Variants in TMIE observed in about 807,000 individuals in gnomAD.
The protein encoded by TMIE is transmembrane inner ear.
Under a neutral mutation model 16.8 loss-of-function variants are expected in TMIE, and 14 were observed. That is an observed-to-expected ratio of 0.83 (90% CI 0.55 to 1.30). The LOEUF (loss-of-function observed/expected upper bound fraction) is 1.30. TMIE is among the 50% of genes most tolerant of loss of function. The pLI is 0.00. For missense variants in TMIE, 204 were observed against 205.9 expected (o/e 0.99, Z 0.06); for synonymous variants, 75 against 87.2 (o/e 0.86, Z 0.78).
intron 2 of TMIE, among the ~76,000 whole-genome samples, chr3:46,706,981 G>T (rs188116138): frequency 2.0e-5 from 3 of 152,210 alleles, no homozygotes; most frequent in African/African-American, 7.2e-5. Context: ...TGATTTGCAC[G>T]TGCTTCTCCT....
chr3:46,707,891 G>A (rs908643465), intron 2 of TMIE, among the ~76,000 whole-genome samples: 1 of 152,210 alleles, frequency 6.6e-6, no homozygotes, highest in African/African-American at 2.4e-5. Flanking sequence ...GGAGGGTTAG[G>A]ATTGGGTACC....
At chr3:46,709,021 T>G in intron 2 of TMIE, 105 bp from the exon 3 acceptor site, 43 of 1,451,396 alleles carry the variant, frequency 3.0e-5, no homozygotes, top group Non-Finnish European at 3.8e-5. Flanking sequence ...GTCTGGTGGG[T>G]GAGACACATG....
At chr3:46,708,708 A>C (rs952999821) in intron 2 of TMIE, among the ~76,000 whole-genome samples, 2 of 152,214 alleles carry the variant, frequency 1.3e-5, no homozygotes, top group African/African-American at 4.8e-5. Context: ...ACTTTGGCCT[A>C]GCTCTCAGTG....
chr3:46,700,574 A>G (rs569534876), upstream of TMIE, among the ~76,000 whole-genome samples: 3 of 152,244 alleles, frequency 2.0e-5, no homozygotes, highest in African/African-American at 7.2e-5. Context: ...AGGGGAGTCT[A>G]CCAACTCCAG....
upstream of TMIE, chr3:46,701,301 G>A (rs1700470542): frequency 4.3e-6 from 2 of 465,166 alleles, no homozygotes; most frequent in Non-Finnish European, 7.5e-6. The surrounding 1 kb of genome is among the most constrained non-coding windows in gnomAD (Gnocchi z 4.3). Flanking sequence ...GAAGGAGGGG[G>A]CGGGCCCTCC....
chr3:46,696,572 C>T (rs1406413907), upstream of TMIE, among the ~76,000 whole-genome samples: 1 of 152,114 alleles, frequency 6.6e-6, no homozygotes, highest in Non-Finnish European at 1.5e-5. Context: ...TAGGCTGAGT[C>T]CCTGGATCCT....
intron 2 of TMIE, among the ~76,000 whole-genome samples, chr3:46,707,705 G>A (rs1298851600): frequency 6.6e-6 from 1 of 152,226 alleles, no homozygotes; most frequent in Non-Finnish European, 1.5e-5. Flanking sequence ...GCTGTGCGGG[G>A]CAGGCCTGAA....
chr3:46,699,058 TTA>T (rs1455836035), upstream of TMIE, among the ~76,000 whole-genome samples: 3,252 of 107,508 alleles, frequency 0.03, 357 homozygotes, highest in African/African-American at 0.1. Flanking sequence ...ATGGTGTTTC[TTA>T]TTTTTTTTTT....
At chr3:46,704,587 C>A (rs1473438315) in intron 1 of TMIE, among the ~76,000 whole-genome samples, 4 of 146,718 alleles carry the variant, frequency 2.7e-5, no homozygotes, top group Non-Finnish European at 4.5e-5. Context: ...AGGGCAGGAT[C>A]ATGTCCCTAG....
At chr3:46,709,481 C>A in intron 3 of TMIE, 98 bp from the exon 4 acceptor site, 4 of 1,611,268 alleles carry the variant, frequency 2.5e-6, no homozygotes, top group Middle Eastern at 1.7e-4. Context: ...AAGAAAAAGG[C>A]AGAGTGTAGG....
At chr3:46,706,455 C>T (rs573904243) in intron 2 of TMIE, among the ~76,000 whole-genome samples, 5 of 152,332 alleles carry the variant, frequency 3.3e-5, no homozygotes, top group African/African-American at 1.2e-4. Flanking sequence ...CAGAAATGGG[C>T]TTGGCCGGCT....
In TMIE at chr3:46,696,175, A is replaced by G. The variant is rs532271810; in HGVS notation, c.-67+1557A>G. Among the ~76,000 whole-genome samples the G allele has an allele frequency of 4.4e-4, 67 of 152,268 alleles. No homozygotes were observed. In the South Asian group the frequency reaches 5.8e-3, roughly 13 times the overall value. ...CATGGACCCATCTACCATTGAACCC[A>G]CTGGTAAGGACTCCAAGTTGCACAA... On this transcript the variant is annotated intron_variant, in intron 1 of 3. Transcript: ENST00000644830.
chr3:46,707,737 C>T (rs7641494), intron 2 of TMIE, among the ~76,000 whole-genome samples: 6 of 152,148 alleles, frequency 3.9e-5, no homozygotes, highest in Admixed American at 1.3e-4. Context: ...TGTTTGAGCC[C>T]GGCTCTGGCT....
intron 1 of TMIE, among the ~76,000 whole-genome samples, chr3:46,705,317 C>T (rs1700537523): frequency 6.6e-6 from 1 of 152,186 alleles, no homozygotes; most frequent in South Asian, 2.1e-4. Context: ...TGGCAGGGGT[C>T]CAGGCCAGCT....
upstream of TMIE, among the ~76,000 whole-genome samples, chr3:46,699,276 T>C (rs1700443488): frequency 6.6e-6 from 1 of 152,110 alleles, no homozygotes. Flanking sequence ...TTCTCCATGT[T>C]GGTCAGGCTG....
chr3:46,704,626 C>T (rs1488877021), intron 1 of TMIE, among the ~76,000 whole-genome samples: 1 of 148,302 alleles, frequency 6.7e-6, no homozygotes, highest in Non-Finnish European at 1.5e-5. Context: ...GTCCCCTAGA[C>T]ACCCAGGGTG....
intron 1 of TMIE, among the ~76,000 whole-genome samples, chr3:46,704,312 C>A (rs1181281338): frequency 1.4e-5 from 2 of 139,904 alleles, no homozygotes; most frequent in African/African-American, 2.7e-5. Flanking sequence ...CAGGGCAGGA[C>A]CATGTCCCTA....
upstream of TMIE, among the ~76,000 whole-genome samples, chr3:46,701,149 G>A (rs1559495237): frequency 6.6e-6 from 1 of 151,830 alleles, no homozygotes; most frequent in Non-Finnish European, 1.5e-5. The surrounding 1 kb of genome is among the most constrained non-coding windows in gnomAD (Gnocchi z 4.3). Context: ...AGAAACTGAG[G>A]CCCATTTGCA....
In TMIE at chr3:46,705,908, G is replaced by C. The variant is rs370964946; in HGVS notation, c.211+1G>C. ...TTTTCGCTCTTCGTGTTGTCCATCA[G>C]TGAGTAGCTGTTCCCTTCCCTCTCC... On this transcript the variant is annotated splice_donor_variant, in intron 2 of 3. Coordinates refer to ENST00000643606, the MANE Select transcript of TMIE (RefSeq NM_147196.3). LOFTEE classifies it high-confidence loss of function. 8.7e-6 allele frequency: 14 copies of C among 1,613,584 alleles called. No individual in the cohort carries two copies. Among genetic ancestry groups the C allele is most frequent in the Non-Finnish European group, 1.1e-5 (13 of 1,179,708 alleles).
Sources: allele counts gnomAD v4.1 joint callset (sites outside exome capture counted in the v4.1 genomes callset), GRCh38; gene constraint gnomAD v4.1.1; non-coding constraint Gnocchi (gnomAD v3.1); transcripts MANE v1.5; gene names NCBI Gene and HGNC (gene_info 2026-07-23, HGNC 2026-07-21).